The following KIF3C variants were observed in gnomAD, a reference collection of about 807,000 sequenced individuals.
KIF3C encodes the protein kinesin-like protein KIF3C.
KIF3C carries 12 observed loss-of-function variants against 67.7 expected under a neutral mutation model. The ratio of observed to expected loss-of-function variants is 0.18; its 90% CI spans 0.11 to 0.29. The LOEUF is 0.29. Ranked by LOEUF, KIF3C falls within the 10% of genes least tolerant of loss-of-function variation. The pLI, the probability that KIF3C is intolerant of heterozygous loss-of-function variation, is 1.00. For synonymous variants in KIF3C, 393 were observed against 426.2 expected (o/e 0.92, Z 0.96); for missense variants, 789 against 1,059.6 (o/e 0.74, Z 3.55).
chr2:25,960,551 T>C (rs933512594), intron 1 of KIF3C, among the ~76,000 whole-genome samples: 4 of 152,158 alleles, frequency 2.6e-5, no homozygotes, highest in Non-Finnish European at 5.9e-5. Context: ...TACTCGTATC[T>C]CAGGGTCCCT....
At chr2:25,977,105 T>C (rs1664438778) in intron 1 of KIF3C, among the ~76,000 whole-genome samples, 1 of 144,256 alleles carries the variant, frequency 6.9e-6, no homozygotes, top group South Asian at 2.5e-4. Flanking sequence ...CTGATCACAA[T>C]CACAAACTCT....
chr2:25,954,349 G>C lies in KIF3C; in HGVS notation c.1807C>G (p.Gln603Glu), dbSNP rs1559553087. Residue 603 changes from glutamine to glutamate, a missense_variant, in exon 4 of 8, where the codon CAG (glutamine) becomes GAG (glutamate). Around this residue, in one of 2 missense-constraint regions of KIF3C, gnomAD observed 648 missense variants for 807.8 expected, o/e 0.80. Transcript: ENST00000264712. ...AKLQAVKAEI[Q>E]DQHDEYIRVR... is the part of the protein sequence containing the mutation. ...CGGATATACTCATCATGCTGGTCCT[G>C]GATCTCCGCCTTCACCGCCTGCAGC... 1.2e-6 allele frequency: 2 copies of C among 1,614,084 alleles called. No individual in the cohort carries two copies. Among genetic ancestry groups the C allele is most frequent in the Non-Finnish European group, 1.7e-6 (2 of 1,180,030 alleles).
intron 5 of KIF3C, among the ~76,000 whole-genome samples, chr2:25,941,758 G>A (rs938360617): frequency 2.0e-5 from 3 of 152,094 alleles, no homozygotes; most frequent in African/African-American, 7.2e-5. Flanking sequence ...CAGGCATGGT[G>A]GCACAAGCCT....
chr2:25,962,895 A>T (rs13011534), intron 1 of KIF3C, among the ~76,000 whole-genome samples: 610 of 51,490 alleles, frequency 0.012, 33 homozygotes, highest in Non-Finnish European at 0.014. Flanking sequence ...ATATAATATA[A>T]AATATATATA....
intron 1 of KIF3C, among the ~76,000 whole-genome samples, chr2:25,967,404 A>C (rs1011979988): frequency 2.9e-4 from 44 of 152,136 alleles, no homozygotes; most frequent in African/African-American, 1.0e-3. Flanking sequence ...CGGGCTACAC[A>C]CTCTGCCACT....
rs769378842 is a variant in KIF3C, at chr2:25,980,871, G to T, written c.1047C>A (p.Tyr349Ter). Residue 349 changes from tyrosine to a stop codon, truncating the protein, a stop_gained, in exon 1 of 8, where the codon TAC becomes TAA. Transcript: ENST00000264712. LOFTEE classifies it high-confidence loss of function. This position sits in a 1 kb window ranked among gnomAD's most constrained non-coding sequence, Gnocchi z 7.6. ...AGCGCAAGGTGGAGAGGCTCTCATC[G>T]TAGCTGTGAGAAGCTGGCCCCAGTG... ...VATLGPASHS[Y>*]DESLSTLRFA... 1 of 1,614,152 alleles carries T rather than the reference G, an allele frequency of 6.2e-7. No homozygotes were observed. Among genetic ancestry groups the T allele is most frequent in the Non-Finnish European group, 8.5e-7 (1 of 1,180,002 alleles).
intron 5 of KIF3C, among the ~76,000 whole-genome samples, chr2:25,947,111 T>G (rs1194420302): frequency 6.0e-5 from 9 of 151,238 alleles, no homozygotes; most frequent in Non-Finnish European, 1.2e-4. Context: ...GCCGAGATTG[T>G]GCCATTGCAC....
chr2:25,952,676 G>A (rs1663654395), intron 4 of KIF3C, among the ~76,000 whole-genome samples: 1 of 151,666 alleles, frequency 6.6e-6, no homozygotes, highest in African/African-American at 2.4e-5. Flanking sequence ...TCCTGCCTCA[G>A]CCTCCTGAGT....
At position 25,955,472 on chromosome 2, in the gene KIF3C, C is replaced by A; in HGVS notation, c.1770+69G>T. 6.3e-7 allele frequency: 1 copy of A among 1,575,926 alleles called. No individual in the cohort carries two copies. On this transcript the variant is annotated intron_variant, in intron 3 of 7. Coordinates refer to ENST00000264712, the MANE Select transcript of KIF3C (RefSeq NM_002254.8). This position sits in a 1 kb window ranked among gnomAD's most constrained non-coding sequence, Gnocchi z 5.0. ...GCCAAATGGGGAGGAGTCCCTGAAG[C>A]ACACATCCCTTGGGCAGAGACTGCT...
chr2:25,934,394 C>T (rs562171455), intron 5 of KIF3C, among the ~76,000 whole-genome samples: 3 of 151,930 alleles, frequency 2.0e-5, no homozygotes, highest in African/African-American at 4.8e-5. Flanking sequence ...GCGTGACCAA[C>T]ATGGTGAGAC....
intron 5 of KIF3C, among the ~76,000 whole-genome samples, chr2:25,930,811 T>C (rs1413547829): frequency 1.3e-5 from 2 of 152,130 alleles, no homozygotes; most frequent in Non-Finnish European, 2.9e-5. Context: ...TGTACTGGAA[T>C]TACAGGCGTG....
intron 1 of KIF3C, among the ~76,000 whole-genome samples, chr2:25,966,355 C>T (rs1664140469): frequency 6.6e-6 from 1 of 152,206 alleles, no homozygotes; most frequent in Non-Finnish European, 1.5e-5. Context: ...ATCCACCCAC[C>T]TTGACCTTCC....
intron 5 of KIF3C, among the ~76,000 whole-genome samples, chr2:25,939,998 C>G (rs1274668609): frequency 6.6e-6 from 1 of 152,032 alleles, no homozygotes; most frequent in Non-Finnish European, 1.5e-5. Flanking sequence ...AACCCAGAGG[C>G]AGTTTAACAA....
At chr2:25,933,185 A>C (rs1192419525) in intron 5 of KIF3C, among the ~76,000 whole-genome samples, 2 of 151,760 alleles carry the variant, frequency 1.3e-5, no homozygotes, top group Non-Finnish European at 2.9e-5. Context: ...TGGGAGGCAG[A>C]GGTTGCAGTA....
rs1302796846 is a variant in KIF3C, at chr2:25,962,872, A to T, written c.1546-6428T>A. Among the ~76,000 whole-genome samples the T allele has an allele frequency of 1.8e-4, 13 of 70,302 alleles. 1 individual carries two copies. Among genetic ancestry groups the T allele is most frequent in the Non-Finnish European group, 3.2e-4 (13 of 40,372 alleles). The allele number at this position is 70,302 out of a possible 152,430, so 46.1% of individuals were successfully genotyped here. A position where few individuals can be genotyped will look rare whatever the true frequency, so the allele number is the denominator to read the frequency against. On this transcript the variant is annotated intron_variant, in intron 1 of 7. Coordinates refer to ENST00000264712, the MANE Select transcript of KIF3C (RefSeq NM_002254.8). ...TATAATATAATATATAATATATATA[A>T]TATATAAAATATATATAATATAAAA...
At chr2:25,966,369 G>T (rs977478108) in intron 1 of KIF3C, among the ~76,000 whole-genome samples, 12 of 152,096 alleles carry the variant, frequency 7.9e-5, no homozygotes, top group Admixed American at 1.3e-4. Flanking sequence ...ACCTTCCAAA[G>T]TGCTGGGATT....
chr2:25,949,659 G>A (rs1663545213), intron 5 of KIF3C, among the ~76,000 whole-genome samples: 1 of 152,004 alleles, frequency 6.6e-6, no homozygotes, highest in South Asian at 2.1e-4. Flanking sequence ...TCCTTCACCT[G>A]CAAACTTTAA....
chr2:25,970,623 C>T (rs1160705526), intron 1 of KIF3C, among the ~76,000 whole-genome samples: 3 of 140,496 alleles, frequency 2.1e-5, no homozygotes, highest in East Asian at 2.0e-4. Flanking sequence ...GCCGAGGTCA[C>T]GCCATCACAC....
chr2:25,973,751 C>A (rs1420777793), intron 1 of KIF3C, among the ~76,000 whole-genome samples: 1 of 152,140 alleles, frequency 6.6e-6, no homozygotes, highest in Non-Finnish European at 1.5e-5. Flanking sequence ...TTACCAGCAA[C>A]AATCCAGGAC....
Sources: allele counts gnomAD v4.1 joint callset (sites outside exome capture counted in the v4.1 genomes callset), GRCh38; gene constraint gnomAD v4.1.1; regional missense constraint gnomAD v4.1.1; non-coding constraint Gnocchi (gnomAD v3.1); transcripts MANE v1.5; gene names NCBI Gene and HGNC (gene_info 2026-07-23, HGNC 2026-07-21).